Variants in NRG3 observed in about 807,000 individuals in gnomAD.
NRG3 encodes the protein neuregulin 3.
In NRG3, 31 loss-of-function variants were observed where a neutral mutation model predicts 66.9. That is an observed-to-expected ratio of 0.46 (90% CI 0.35 to 0.63). The LOEUF (loss-of-function observed/expected upper bound fraction) is 0.63, where lower values mean the gene tolerates loss of function less well. Ranked by LOEUF, NRG3 falls within the 20% of genes least tolerant of loss-of-function variation. The pLI is 0.00. For synonymous variants in NRG3, 393 were observed against 359.4 expected, an observed-to-expected ratio of 1.09 and a Z score of -1.06; for missense variants, 910 against 878.9, an observed-to-expected ratio of 1.04 and a Z score of -0.45.
chr10:81,907,705 G>A (rs896667431), intron 1 of NRG3, among the ~76,000 whole-genome samples: 1 of 152,080 alleles, frequency 6.6e-6, no homozygotes, highest in African/African-American at 2.4e-5. Context: ...CTATAAATTT[G>A]GAGCTGGGTT....
chr10:82,238,981 T>A (rs1023859661), intron 1 of NRG3, among the ~76,000 whole-genome samples: 11 of 148,554 alleles, frequency 7.4e-5, no homozygotes, highest in Admixed American at 6.1e-4. Flanking sequence ...TTCCTCCAAG[T>A]CATAAAGATA....
chr10:81,904,345 G>T (rs1001943757), intron 1 of NRG3, among the ~76,000 whole-genome samples: 1 of 151,944 alleles, frequency 6.6e-6, no homozygotes, highest in East Asian at 1.9e-4. Context: ...TCACAAATTT[G>T]CATCCTCATG....
intron 2 of NRG3, among the ~76,000 whole-genome samples, chr10:82,652,311 T>G (rs905436723): frequency 4.6e-5 from 7 of 152,142 alleles, no homozygotes; most frequent in Admixed American, 2.6e-4. Context: ...TCCTGAGCCC[T>G]TATCTAGCAT....
intron 3 of NRG3, among the ~76,000 whole-genome samples, chr10:82,788,734 G>A (rs1213241799): frequency 2.6e-5 from 4 of 151,720 alleles, no homozygotes; most frequent in African/African-American, 9.7e-5. Flanking sequence ...ATGCATATTT[G>A]CCCAATGCCT....
intron 1 of NRG3, among the ~76,000 whole-genome samples, chr10:82,046,935 G>A (rs1395559602): frequency 1.1e-4 from 16 of 142,834 alleles, no homozygotes; most frequent in Non-Finnish European, 2.0e-4. Context: ...GATCATAGTG[G>A]ATAAGCTTTT....
chr10:82,554,802 A>G (rs1203248638), intron 2 of NRG3, among the ~76,000 whole-genome samples: 1 of 152,204 alleles, frequency 6.6e-6, no homozygotes, highest in Non-Finnish European at 1.5e-5. Context: ...AACCACTAAA[A>G]GCAGTGCTAG....
intron 4 of NRG3, among the ~76,000 whole-genome samples, chr10:82,882,698 C>T (rs1298921154): frequency 6.6e-6 from 1 of 152,150 alleles, no homozygotes; most frequent in African/African-American, 2.4e-5. Flanking sequence ...AGATGGGGTC[C>T]TTGAGGGCAT....
chr10:81,949,154 C>T (rs1289086648), intron 1 of NRG3, among the ~76,000 whole-genome samples: 1 of 152,130 alleles, frequency 6.6e-6, no homozygotes, highest in Non-Finnish European at 1.5e-5. Context: ...ATCTCAGGCT[C>T]CTGTCTCTGA....
chr10:81,951,874 A>G (rs897453971), intron 1 of NRG3, among the ~76,000 whole-genome samples: 4 of 152,204 alleles, frequency 2.6e-5, no homozygotes, highest in Non-Finnish European at 4.4e-5. Flanking sequence ...AACCAACCCA[A>G]ATGTCCAACA....
chr10:82,789,796 A>T (rs2060510928), intron 3 of NRG3, among the ~76,000 whole-genome samples: 1 of 151,974 alleles, frequency 6.6e-6, no homozygotes, highest in East Asian at 1.9e-4. Context: ...TATTAAATGA[A>T]TATATTAAAA....
intron 3 of NRG3, among the ~76,000 whole-genome samples, chr10:82,832,549 C>T (rs2062578409): frequency 6.6e-6 from 1 of 152,016 alleles, no homozygotes; most frequent in Non-Finnish European, 1.5e-5. Context: ...GAGTAACCAC[C>T]ATGCTGTGAA....
At chr10:82,760,029 T>C (rs2059239620) in intron 3 of NRG3, among the ~76,000 whole-genome samples, 1 of 152,128 alleles carries the variant, frequency 6.6e-6, no homozygotes, top group Non-Finnish European at 1.5e-5. Context: ...CTCCATTCAA[T>C]GCCCTCAATT....
intron 1 of NRG3, among the ~76,000 whole-genome samples, chr10:82,058,768 C>T (rs2063976835): frequency 6.6e-6 from 1 of 151,998 alleles, no homozygotes; most frequent in African/African-American, 2.4e-5. Context: ...AAAAGTTGGA[C>T]ACATCAAAAC....
intron 2 of NRG3, among the ~76,000 whole-genome samples, chr10:82,482,986 A>G (rs2132163939): frequency 6.6e-6 from 1 of 152,356 alleles, no homozygotes; most frequent in East Asian, 1.9e-4. Context: ...AGATCCTACA[A>G]TCTTGCAAGG....
At chr10:82,725,534 A>C (rs1380484657) in intron 2 of NRG3, among the ~76,000 whole-genome samples, 1 of 152,180 alleles carries the variant, frequency 6.6e-6, no homozygotes, top group African/African-American at 2.4e-5. Context: ...ATATCGTTAT[A>C]GGAAAAATTG....
chr10:82,923,490 G>T (rs1434885662), intron 4 of NRG3, among the ~76,000 whole-genome samples: 1 of 152,230 alleles, frequency 6.6e-6, no homozygotes, highest in East Asian at 1.9e-4. Flanking sequence ...AGAGCAAGAA[G>T]TATGTCTGTT....
At chr10:82,898,124 G>A (rs1198689117) in intron 4 of NRG3, among the ~76,000 whole-genome samples, 1 of 152,198 alleles carries the variant, frequency 6.6e-6, no homozygotes, top group Non-Finnish European at 1.5e-5. Context: ...ACCAATGAGA[G>A]ATAGCAGTTG....
At chr10:82,223,664 CACACACACACACACACACAT>C (rs1486975601) in intron 1 of NRG3, among the ~76,000 whole-genome samples, 2 of 150,864 alleles carry the variant, frequency 1.3e-5, no homozygotes, top group Non-Finnish European at 3.0e-5. Context: ...CACACACACA[CACACACACACACACACACAT>C]ACACACCACC....
chr10:82,754,689 C>A (rs1572332), intron 3 of NRG3, among the ~76,000 whole-genome samples: 3,447 of 152,172 alleles, frequency 0.023, 140 homozygotes, highest in African/African-American at 0.075. Flanking sequence ...CCTTGAGATC[C>A]AGAGACCAAT....
Sources: allele counts gnomAD v4.1 joint callset (sites outside exome capture counted in the v4.1 genomes callset), GRCh38; gene constraint gnomAD v4.1.1; transcripts MANE v1.5; gene names NCBI Gene and HGNC (gene_info 2026-07-23, HGNC 2026-07-21).